PDE4DIP: variants seen among roughly 807,000 people sequenced by gnomAD.
PDE4DIP encodes myomegalin.
A neutral mutation model predicts 221.4 loss-of-function variants in PDE4DIP; 59 were observed. The ratio of observed to expected loss-of-function variants is 0.27; its 90% CI spans 0.22 to 0.33. The LOEUF is 0.33. PDE4DIP is among the 10% of genes least tolerant of loss of function. The pLI, the probability that PDE4DIP is intolerant of heterozygous loss-of-function variation, is 1.00. For synonymous variants in PDE4DIP, 404 were observed against 815.9 expected, an observed-to-expected ratio of 0.50 and a Z score of 8.60; for missense variants, 1,036 against 2,154.2, an observed-to-expected ratio of 0.48 and a Z score of 10.28.
chr1:148,914,519 CA>C (rs1553456698), intron 1 of PDE4DIP, among the ~76,000 whole-genome samples: 1 of 150,246 alleles, frequency 6.7e-6, no homozygotes, highest in Non-Finnish European at 1.5e-5. Context: ...CCCAGCTACT[CA>C]GGAGGCTGAG....
At chr1:148,922,836 T>C (rs1361602912) in intron 1 of PDE4DIP, among the ~76,000 whole-genome samples, 6 of 151,242 alleles carry the variant, frequency 4.0e-5, no homozygotes, top group African/African-American at 1.5e-4. Flanking sequence ...TCCGCCCGCC[T>C]CGGCCTCCCA....
intron 9 of PDE4DIP, among the ~76,000 whole-genome samples, chr1:148,964,111 CA>C (rs1259227340): frequency 8.5e-6 from 1 of 117,324 alleles, no homozygotes; most frequent in Non-Finnish European, 1.8e-5. Flanking sequence ...TTCTTTCTTT[CA>C]TTTTTTTTTT....
At chr1:149,032,014 G>T (rs782279537) in exon 44 of PDE4DIP, 5 of 1,610,974 alleles carry the variant, frequency 3.1e-6, no homozygotes, top group Non-Finnish European at 4.2e-6. Context: ...CATGCAAGAA[G>T]CGCAGCCACC....
At chr1:148,997,953 TG>T (rs2064691227) in intron 22 of PDE4DIP, among the ~76,000 whole-genome samples, 189 bp from the exon 26 acceptor site, 1 of 152,258 alleles carries the variant, frequency 6.6e-6, no homozygotes, top group African/African-American at 2.4e-5. Context: ...GCTCATTTTG[TG>T]TGTCCTTCCC....
chr1:148,944,025 G>C (rs1207846035), intron 5 of PDE4DIP, among the ~76,000 whole-genome samples: 2 of 152,210 alleles, frequency 1.3e-5, no homozygotes, highest in Non-Finnish European at 2.9e-5. Context: ...TTCAACATAT[G>C]AATTTGGAGG....
chr1:148,975,063 C>T lies in PDE4DIP; in HGVS notation c.2319+458C>T, dbSNP rs1244997003. Among the ~76,000 whole-genome samples the T allele has an allele frequency of 2.6e-4, 36 of 139,070 alleles. No individual in the cohort carries two copies. The East Asian group carries it at 2.7e-3, about 10-fold the overall frequency. 91.2% of individuals were successfully genotyped at this position (139,070 alleles called of 152,430 possible). ...GCGGGCGCCTGTAATCCCAGCTACTCGGGAGCCTCAGGCAGGAGAATCACT... is the reference window on the plus strand; with the variant it reads ...GCGGGCGCCTGTAATCCCAGCTACTTGGGAGCCTCAGGCAGGAGAATCACT... On this transcript the variant is annotated intron_variant, in intron 17 of 43. Transcript: ENST00000369354.
upstream of PDE4DIP, among the ~76,000 whole-genome samples, chr1:148,885,364 AG>A (rs1179605459): frequency 6.6e-6 from 1 of 152,146 alleles, no homozygotes; most frequent in African/African-American, 2.4e-5. Flanking sequence ...GCCAGGCAGA[AG>A]GGTCAACAAG....
chr1:148,983,346 C>T (rs1346637908), intron 21 of PDE4DIP: 15 of 152,110 alleles, frequency 9.9e-5, no homozygotes, highest in Admixed American at 9.2e-4. Context: ...TTTCTAATGG[C>T]TCATAGTGAT....
intron 1 of PDE4DIP, among the ~76,000 whole-genome samples, chr1:148,917,283 G>C (rs1350992331): frequency 6.6e-6 from 1 of 150,714 alleles, no homozygotes; most frequent in Non-Finnish European, 1.5e-5. Context: ...TTGGAGATCA[G>C]TGTGAATACC....
chr1:148,989,776 C>A (rs1177830937), intron 21 of PDE4DIP, among the ~76,000 whole-genome samples: 4 of 152,158 alleles, frequency 2.6e-5, no homozygotes, highest in Non-Finnish European at 4.4e-5. Context: ...AGATTGTGAT[C>A]GCTACTGTTG....
chr1:148,859,604 A>G (rs1364327694), intron 1 of PDE4DIP, among the ~76,000 whole-genome samples: 4 of 151,858 alleles, frequency 2.6e-5, no homozygotes, highest in Non-Finnish European at 4.4e-5. Flanking sequence ...TGGGAGAAAG[A>G]TTATATATGG....
intron 43 of PDE4DIP, chr1:149,030,509 A>C (rs1297153303): frequency 2.3e-5 from 22 of 962,196 alleles, no homozygotes; most frequent in South Asian, 4.8e-5. Context: ...TCACATTGTC[A>C]TCATCTCTCC....
chr1:148,973,244 G>C (rs1459834553), intron 16 of PDE4DIP, among the ~76,000 whole-genome samples: 2 of 151,432 alleles, frequency 1.3e-5, no homozygotes, highest in Admixed American at 1.3e-4. Context: ...CGATCTCTCT[G>C]CTCACCTCTC....
intron 14 of PDE4DIP, among the ~76,000 whole-genome samples, 194 bp downstream of exon 17, chr1:148,969,224 CT>C (rs1265329738): frequency 2.0e-5 from 3 of 148,726 alleles, no homozygotes; most frequent in African/African-American, 2.5e-5. Flanking sequence ...GGGGGTTTCG[CT>C]GTGTTGCACA....
At chr1:149,021,247 A>T (rs1238098989) in intron 37 of PDE4DIP, 94 bp downstream of exon 40, 55 of 782,726 alleles carry the variant, frequency 7.0e-5, no homozygotes, top group Non-Finnish European at 1.1e-4. Flanking sequence ...GATCATGGGA[A>T]GCTACAGAGT....
Position 149,030,258 on chromosome 1 carries a change from A to G in PDE4DIP, c.6979A>G (p.Lys2327Glu), listed in dbSNP as rs782600939. 5.9e-6 allele frequency: 9 copies of G among 1,521,170 alleles called. No homozygotes were observed. In the African/African-American group the frequency reaches 1.2e-4, roughly 21 times the overall value. The allele number at this position is 1,521,170 out of a possible 1,614,324, so 94.2% of individuals were successfully genotyped here. ...AACCAGAACACATGATGTTTTAAAG[A>G]AGGCAAGGACTAACTTAGAGGTAAG... The change falls in exon 43 of 44, where the codon AAG becomes GAG. Residue 2327 changes from lysine (K) to glutamate (E), a missense_variant. Coordinates refer to ENST00000369354, the Ensembl canonical transcript of PDE4DIP.
At chr1:148,862,226 T>G (rs1229884809) in intron 1 of PDE4DIP, among the ~76,000 whole-genome samples, 2 of 151,388 alleles carry the variant, frequency 1.3e-5, no homozygotes, top group African/African-American at 4.9e-5. Flanking sequence ...TACAATTTAT[T>G]TATTGTCTCC....
At chr1:148,929,630 T>C (rs2047406684) in intron 2 of PDE4DIP, 1 of 223,872 alleles carries the variant, frequency 4.5e-6, no homozygotes, top group African/African-American at 2.3e-5. Context: ...AGAGCTGAGA[T>C]AACATTTGGG....
At chr1:149,016,428 T>G (rs2070587498) in exon 33 of PDE4DIP, 1 of 1,122,354 alleles carries the variant, frequency 8.9e-7, no homozygotes, top group East Asian at 2.4e-5. Flanking sequence ...CTGGGAAGAA[T>G]CCTAGAGCCT....
Sources: gnomAD v4.1 joint callset for allele counts (sites outside exome capture counted in the v4.1 genomes callset) on GRCh38, gnomAD v4.1.1 for gene constraint, MANE v1.5 for transcripts, NCBI Gene and HGNC (gene_info 2026-07-23, HGNC 2026-07-21) for gene names.